SREK1: variants seen among roughly 807,000 people sequenced by gnomAD.
The protein encoded by SREK1 is splicing regulatory glutamine/lysine-rich protein 1.
Under a neutral mutation model 66.5 loss-of-function variants are expected in SREK1, and 13 were observed. The observed-to-expected ratio is 0.20, with a 90% CI of 0.13 to 0.31. The LOEUF (loss-of-function observed/expected upper bound fraction) is 0.31. Among genes scored for constraint, SREK1 ranks in the 10% least tolerant of loss-of-function variants. The pLI, the probability that SREK1 is intolerant of heterozygous loss-of-function variation, is 1.00. For synonymous variants in SREK1, 265 were observed against 263.5 expected (o/e 1.01, Z -0.05); for missense variants, 607 against 769.6 (o/e 0.79, Z 2.50).
chr5:66,170,773 G>C lies in SREK1; in HGVS notation c.1310G>C (p.Arg437Pro). 1 of 1,602,152 alleles carries C rather than the reference G, an allele frequency of 6.2e-7. No individual in the cohort carries two copies. The highest frequency in any genetic ancestry group is 1.7e-5 in the Admixed American group (1 of 57,822). ...KDKEKDRERE[R>P]EKEHEKDRDK... Reference sequence around the variant, plus strand: ...AAGGAAAAGGACAGAGAGAGAGAACGGGAAAAAGAGCATGAGAAGGATCGA... The same window carrying C: ...AAGGAAAAGGACAGAGAGAGAGAACCGGAAAAAGAGCATGAGAAGGATCGA... Residue 437 changes from arginine to proline, a missense_variant, in exon 9 of 12, where the codon CGG becomes CCG. Physicochemically the swap from Arg to Pro is moderately radical, Grantham distance 103. This residue lies in a region of SREK1 where 318 missense variants were observed against 310.3 expected (regional missense o/e 1.02). Coordinates refer to ENST00000334121, the MANE Select transcript of SREK1 (RefSeq NM_001077199.3).
In SREK1 at chr5:66,153,487, C is replaced by T; in HGVS notation, c.186C>T (p.Ser62=). The T allele has an allele frequency of 6.2e-7, 1 of 1,611,274 alleles. No homozygotes were observed. ...PPDNAPLAFS[S]KVCYVKFRDP... Reference sequence around the variant, plus strand: ...GCAACGCACCTCTTGCTTTTTCCTCCAAAGTATGTTATGTTAAGTTTCGTG... The same window carrying T: ...GCAACGCACCTCTTGCTTTTTCCTCTAAAGTATGTTATGTTAAGTTTCGTG... Residue 62 remains serine (S), a synonymous_variant, in exon 2 of 12, where the codon TCC becomes TCT. Transcript: ENST00000334121.
intron 8 of SREK1, 36 bp from the exon 9 acceptor site, chr5:66,170,549 T>A: frequency 6.4e-7 from 1 of 1,565,624 alleles, no homozygotes; most frequent in Non-Finnish European, 8.6e-7. Context: ...GGTAGAACTA[T>A]TTTAGTTATG....
At chr5:66,168,100 TGTG>T (rs559632139) in intron 7 of SREK1, 4 of 149,170 alleles carry the variant, frequency 2.7e-5, no homozygotes, top group South Asian at 4.2e-4. Flanking sequence ...TAAAAAATAA[TGTG>T]GTATGTTGAA....
intron 1 of SREK1, 49 bp downstream of exon 1, chr5:66,144,586 C>T (rs1395945029): frequency 3.3e-6 from 5 of 1,515,106 alleles, no homozygotes; most frequent in Admixed American, 2.2e-5. Context: ...CCATAGAGAC[C>T]TCGGGAGCCG....
At chr5:66,155,592 G>A (rs747393050) in intron 2 of SREK1, among the ~76,000 whole-genome samples, 1 of 152,242 alleles carries the variant, frequency 6.6e-6, no homozygotes, top group Non-Finnish European at 1.5e-5. Context: ...CTGTAAGCAA[G>A]CAGTGTTCTG....
At chr5:66,160,887 A>G (rs1193440360) in intron 3 of SREK1, among the ~76,000 whole-genome samples, 2 of 152,092 alleles carry the variant, frequency 1.3e-5, no homozygotes, top group Non-Finnish European at 1.5e-5. Flanking sequence ...CGTTCTGAAA[A>G]ATTTTTTCTG....
rs966509603 is a variant in SREK1 at position 66,156,111 on chromosome 5, G to C, written c.295+2515G>C. On this transcript the variant is annotated intron_variant, in intron 2 of 11. Coordinates refer to ENST00000334121, the MANE Select transcript of SREK1 (RefSeq NM_001077199.3). ...GACCTGTTACACTTGCCTGAGTTAG[G>C]CATTGTTTGCCATGCCACTAAACCT... 4 of 1,493,426 alleles carry C rather than the reference G, an allele frequency of 2.7e-6. No individual in the cohort carries two copies. In the African/African-American group the frequency reaches 5.7e-5, roughly 21 times the overall value. The allele number at this position is 1,493,426 out of a possible 1,614,324, so 92.5% of individuals were successfully genotyped here.
rs1744336539 is a variant in SREK1 at position 66,156,956 on chromosome 5, A to G, written c.296-2263A>G. The G allele has an allele frequency of 6.1e-6, 6 of 985,050 alleles. No individual in the cohort carries two copies. In the Admixed American group the frequency reaches 1.8e-4, roughly 30 times the overall value. The allele number at this position is 985,050 out of a possible 1,614,324, so 61.0% of individuals were successfully genotyped here. On this transcript the variant is annotated intron_variant, in intron 2 of 11. Transcript: ENST00000334121. ...TTGACTTTGAGGAGTATAGTTTGGG[A>G]AAAATGCTAAATGCTTATTTGTTTT... is the stretch of plus-strand genomic sequence containing the variant.
intron 11 of SREK1, 80 bp from the exon 12 acceptor site, chr5:66,178,639 A>G: frequency 7.3e-7 from 1 of 1,376,606 alleles, no homozygotes; most frequent in East Asian, 2.4e-5. Context: ...TTTGCAAAAG[A>G]TAAAGTTTCA....
chr5:66,148,550 A>G (rs1252804197), intron 1 of SREK1, among the ~76,000 whole-genome samples: 1 of 152,228 alleles, frequency 6.6e-6, no homozygotes, highest in African/African-American at 2.4e-5. Flanking sequence ...CTTTAAGTCA[A>G]CGAATGAGGT....
chr5:66,156,188 G>C, intron 2 of SREK1: 1 of 1,309,328 alleles, frequency 7.6e-7, no homozygotes, highest in Non-Finnish European at 9.7e-7. Context: ...CTGAACCGCA[G>C]AAGATGGACG....
chr5:66,170,998 A>G, intron 9 of SREK1, 51 bp downstream of exon 9: 1 of 1,547,258 alleles, frequency 6.5e-7, no homozygotes. Context: ...TGACAATTGG[A>G]AACAAAATTT....
intron 1 of SREK1, chr5:66,145,093 G>T: frequency 2.0e-6 from 2 of 985,726 alleles, no homozygotes; most frequent in Non-Finnish European, 1.2e-6. Flanking sequence ...GCGCATCCAT[G>T]TTCCCAAAGA....
chr5:66,175,110 C>T, intron 10 of SREK1, 69 bp downstream of exon 10: 1 of 1,264,336 alleles, frequency 7.9e-7, no homozygotes, highest in Non-Finnish European at 1.1e-6. Context: ...TTTTAAATTT[C>T]TCTCTTTATT....
intron 1 of SREK1, 59 bp downstream of exon 1, chr5:66,144,596 G>A: frequency 6.7e-7 from 1 of 1,499,222 alleles, no homozygotes; most frequent in Non-Finnish European, 8.9e-7. Flanking sequence ...CTCGGGAGCC[G>A]AGGCGTGGAG....
chr5:66,156,356 G>C, intron 2 of SREK1: 5 of 1,263,018 alleles, frequency 4.0e-6, no homozygotes, highest in Non-Finnish European at 5.0e-6. Context: ...ATTTCATTAA[G>C]GGTTCATAAC....
Position 66,170,565 on chromosome 5 carries a change from ATTTATT to A in SREK1, c.1122-16_1122-11del, listed in dbSNP as rs1745549267. 6.4e-7 allele frequency: 1 copy of A among 1,574,028 alleles called. No individual in the cohort carries two copies. The highest frequency in any genetic ancestry group is 8.6e-7 in the Non-Finnish European group (1 of 1,167,540). On this transcript the variant is annotated splice_polypyrimidine_tract_variant and intron_variant, in intron 8 of 11. Transcript: ENST00000334121. Reference sequence around the variant, plus strand: ...GTAGAACTATTTTAGTTATGAATTTATTTATTTTTGTTTTTAAAGGGACAAGAGAAA... The same window carrying A: ...GTAGAACTATTTTAGTTATGAATTTATTTGTTTTTAAAGGGACAAGAGAAA...
rs1744870803 is a variant in SREK1, at chr5:66,162,746, AC to A, written c.755+156del. On this transcript the variant is annotated intron_variant, in intron 5 of 11. Transcript: ENST00000334121. ...TATAAATGAAATACATGAGATACTT[AC>A]CATTTTAGTCTTTAAATTCCTTTAT... 13 of 616,320 alleles carry A rather than the reference AC, an allele frequency of 2.1e-5. No individual in the cohort carries two copies. In the South Asian group the frequency reaches 3.9e-4, roughly 19 times the overall value. 38.2% of individuals were successfully genotyped at this position (616,320 alleles called of 1,614,324 possible). A position where few individuals can be genotyped will look rare whatever the true frequency, so the allele number is the denominator to read the frequency against.
intron 9 of SREK1, 91 bp downstream of exon 9, chr5:66,171,038 C>A: frequency 1.4e-6 from 2 of 1,424,464 alleles, no homozygotes; most frequent in Non-Finnish European, 1.9e-6. Flanking sequence ...TTACTGTACG[C>A]AAGTGGAACC....
Sources: allele counts gnomAD v4.1 joint callset (sites outside exome capture counted in the v4.1 genomes callset), GRCh38; gene constraint gnomAD v4.1.1; regional missense constraint gnomAD v4.1.1; transcripts MANE v1.5; gene names NCBI Gene and HGNC (gene_info 2026-07-23, HGNC 2026-07-21).